HNF4G: variants seen among roughly 807,000 people sequenced by gnomAD.
The protein encoded by HNF4G is hepatocyte nuclear factor 4-gamma.
In HNF4G, 21 loss-of-function variants were observed where a neutral mutation model predicts 50.9. The ratio of observed to expected loss-of-function variants is 0.41; its 90% CI spans 0.29 to 0.59. HNF4G has a LOEUF of 0.59. HNF4G is among the 20% of genes least tolerant of loss of function. The probability of loss-of-function intolerance (pLI) is 0.26; values close to 1 mark genes in which losing one functional copy is unlikely to be tolerated. For missense variants in HNF4G, 527 were observed against 559.4 expected (o/e 0.94, Z 0.58); for synonymous variants, 198 against 185.6 (o/e 1.07, Z -0.54).
rs141259079 is a variant in HNF4G, at chr8:75,481,947, C to T, written c.-143-8142C>T. 3.3e-5 allele frequency among the ~76,000 whole-genome samples: 5 copies of T among 152,226 alleles called. No homozygotes were observed. In the East Asian group the frequency reaches 9.7e-4, roughly 29 times the overall value. On this transcript the variant is annotated intron_variant, in intron 1 of 10. Transcript: ENST00000354370. ...AACATAATCTACTTGCACCTTTGTT[C>T]AGGGAAATTTTGTGAATTTTGTTGG...
At chr8:75,494,300 GCACACACACACACA>G (rs755362411) in intron 2 of HNF4G, among the ~76,000 whole-genome samples, 32 of 77,292 alleles carry the variant, frequency 4.1e-4, no homozygotes, top group East Asian at 1.5e-3. Flanking sequence ...CTCCCATACA[GCACACACACACACA>G]CACACACACA....
rs1169813425 is a variant in HNF4G, at chr8:75,462,884, A to G, written c.-143-27205A>G. Among the ~76,000 whole-genome samples, 5 of 152,306 alleles carry G rather than the reference A, an allele frequency of 3.3e-5. No homozygotes were observed. In the East Asian group the frequency reaches 9.6e-4, roughly 29 times the overall value. On this transcript the variant is annotated intron_variant, in intron 1 of 10. Transcript: ENST00000354370. ...ATAACAAAGATAGAGAAGGCAGACA[A>G]TATAGTACATGTTGTACTTAGATGT...
chr8:75,491,445 C>T (rs1365981113), intron 2 of HNF4G, among the ~76,000 whole-genome samples: 1 of 151,764 alleles, frequency 6.6e-6, no homozygotes, highest in Non-Finnish European at 1.5e-5. Flanking sequence ...CAAAAACACA[C>T]TTCTAAAATC....
Position 75,543,873 on chromosome 8 carries a change from A to G in HNF4G, c.181A>G (p.Ile61Val). 6.2e-7 allele frequency: 1 copy of G among 1,613,786 alleles called. No homozygotes were observed. Among genetic ancestry groups the G allele is most frequent in the Non-Finnish European group, 8.5e-7 (1 of 1,179,734 alleles). The change falls in exon 2 of 10, where the codon ATC (isoleucine) becomes GTC (valine). Residue 61 changes from isoleucine (I) to valine (V), a missense_variant. By Grantham distance (29) the Ile-to-Val change is conservative. Around this residue, in one of 5 missense-constraint regions of HNF4G, gnomAD observed 84 missense variants for 87.1 expected, o/e 0.96. Coordinates refer to ENST00000396423, the MANE Select transcript of HNF4G (RefSeq NM_004133.5). ...CAACGGTGTCAACTGTCTGTGTGCT[A>G]TCTGTGGGGACAGAGCAACAGGAAA... Reference protein sequence around the residue: ...TDNGVNCLCAICGDRATGKHY... With the variant: ...TDNGVNCLCAVCGDRATGKHY...
At chr8:75,444,434 A>C (rs1329740531) in intron 1 of HNF4G, among the ~76,000 whole-genome samples, 4 of 146,198 alleles carry the variant, frequency 2.7e-5, no homozygotes, top group African/African-American at 1.0e-4. Flanking sequence ...AACAATATTA[A>C]CTTTAAATGT....
At chr8:75,479,974 C>T (rs1812336395) in intron 1 of HNF4G, among the ~76,000 whole-genome samples, 1 of 120,992 alleles carries the variant, frequency 8.3e-6, no homozygotes, top group African/African-American at 4.5e-5. Flanking sequence ...ACAGGAAAAA[C>T]AACCTTAACT....
intron 1 of HNF4G, among the ~76,000 whole-genome samples, chr8:75,425,895 C>T (rs949614855): frequency 5.9e-5 from 9 of 151,954 alleles, no homozygotes; most frequent in East Asian, 1.9e-4. Flanking sequence ...TCCTTTCTGA[C>T]GGGTATATTT....
intron 2 of HNF4G, among the ~76,000 whole-genome samples, chr8:75,512,827 C>T (rs533631094): frequency 7.2e-5 from 11 of 152,208 alleles, no homozygotes; most frequent in African/African-American, 2.4e-4. Context: ...CAAATATTGT[C>T]ATTCTAATGT....
chr8:75,450,515 T>A (rs905039401), intron 1 of HNF4G, among the ~76,000 whole-genome samples: 1 of 152,242 alleles, frequency 6.6e-6, no homozygotes, highest in African/African-American at 2.4e-5. Flanking sequence ...AACTCCATAC[T>A]GTTTTACCTA....
At chr8:75,423,326 T>C (rs541096462) in intron 1 of HNF4G, among the ~76,000 whole-genome samples, 2 of 145,334 alleles carry the variant, frequency 1.4e-5, no homozygotes, top group African/African-American at 5.2e-5. Flanking sequence ...ATTTATGACT[T>C]TTCTTTATCT....
At chr8:75,561,682 T>C (rs966357876) in intron 9 of HNF4G, among the ~76,000 whole-genome samples, 1 of 152,178 alleles carries the variant, frequency 6.6e-6, no homozygotes, top group Non-Finnish European at 1.5e-5. Context: ...TGCTCACTCT[T>C]AATTGTGAGT....
chr8:75,460,066 G>A (rs1044250899), intron 1 of HNF4G, among the ~76,000 whole-genome samples: 2 of 103,406 alleles, frequency 1.9e-5, no homozygotes. Context: ...AAATCAATAC[G>A]TACGTTCTGA....
chr8:75,488,451 T>G (rs1812545652), intron 1 of HNF4G, among the ~76,000 whole-genome samples: 1 of 151,838 alleles, frequency 6.6e-6, no homozygotes, highest in African/African-American at 2.4e-5. Context: ...TTTTTTTTTG[T>G]ATTTTTAGTA....
At chr8:75,430,881 A>G (rs980499296) in intron 1 of HNF4G, among the ~76,000 whole-genome samples, 11 of 152,204 alleles carry the variant, frequency 7.2e-5, no homozygotes, top group Admixed American at 6.5e-4. Flanking sequence ...AACAAACTGG[A>G]GAAGTAGATT....
intron 2 of HNF4G, among the ~76,000 whole-genome samples, chr8:75,530,926 G>A (rs1181990351): frequency 2.6e-5 from 4 of 151,660 alleles, no homozygotes; most frequent in Non-Finnish European, 4.4e-5. Flanking sequence ...CCCAGTAGCT[G>A]GGACTACGGG....
chr8:75,470,714 T>G (rs1812093595), intron 1 of HNF4G, among the ~76,000 whole-genome samples: 1 of 152,222 alleles, frequency 6.6e-6, no homozygotes, highest in Non-Finnish European at 1.5e-5. Flanking sequence ...ATATTATTTT[T>G]GAAAGCCTGA....
intron 1 of HNF4G, among the ~76,000 whole-genome samples, chr8:75,417,119 GCGCACA>G (rs1454476301): frequency 1.9e-4 from 10 of 52,234 alleles, no homozygotes; most frequent in Admixed American, 9.0e-4. Context: ...GCACGCGTGT[GCGCACA>G]CACACACACA....
chr8:75,482,868 A>G (rs966718076), intron 1 of HNF4G, among the ~76,000 whole-genome samples: 3 of 152,230 alleles, frequency 2.0e-5, no homozygotes, highest in Non-Finnish European at 4.4e-5. Flanking sequence ...ATCTAACAGC[A>G]GTAGTGTTTA....
rs549613016 is a variant in HNF4G, at chr8:75,477,415, G to T, written c.-143-12674G>T. The stretch of plus-strand genomic sequence containing the variant: ...CTACATTTACAGTCAAATTCTTCAA[G>T]TCTCATCATATGTACAGAAATTGAA... On this transcript the variant is annotated intron_variant, in intron 1 of 10. Coordinates refer to the HNF4G transcript ENST00000354370. Among the ~76,000 whole-genome samples, 9 of 152,156 alleles carry T rather than the reference G, an allele frequency of 5.9e-5. 1 individual carries two copies. The highest frequency in any genetic ancestry group is 5.9e-4 in the Admixed American group (9 of 15,276).
Sources: allele counts gnomAD v4.1 joint callset (sites outside exome capture counted in the v4.1 genomes callset), GRCh38; gene constraint gnomAD v4.1.1; regional missense constraint gnomAD v4.1.1; transcripts MANE v1.5; gene names NCBI Gene and HGNC (gene_info 2026-07-23, HGNC 2026-07-21).